The following SEMA3A variants were observed in gnomAD, a reference collection of about 807,000 sequenced individuals.
The protein encoded by SEMA3A is semaphorin-3A.
A neutral mutation model predicts 97.9 loss-of-function variants in SEMA3A; 29 were observed. The ratio of observed to expected loss-of-function variants is 0.30; its 90% CI spans 0.22 to 0.40. The LOEUF is 0.40. Among genes scored for constraint, SEMA3A ranks in the 10% least tolerant of loss-of-function variants. SEMA3A has a pLI of 1.00. For synonymous variants in SEMA3A, 321 were observed against 323.7 expected, an observed-to-expected ratio of 0.99 and a Z score of 0.09; for missense variants, 763 against 951.3, an observed-to-expected ratio of 0.80 and a Z score of 2.60.
chr7:84,039,177 T>A (rs939858518), intron 6 of SEMA3A, among the ~76,000 whole-genome samples: 3 of 152,144 alleles, frequency 2.0e-5, no homozygotes, highest in African/African-American at 7.2e-5. Context: ...ACTGTTCTAA[T>A]TACCCTATAT....
intron 1 of SEMA3A, among the ~76,000 whole-genome samples, chr7:84,491,968 C>T (rs1056042709): frequency 1.3e-5 from 2 of 152,044 alleles, no homozygotes; most frequent in Admixed American, 6.6e-5. Flanking sequence ...AGTAAGAGAT[C>T]AAGCTATAGA....
intron 1 of SEMA3A, among the ~76,000 whole-genome samples, chr7:84,173,373 C>T (rs896446370): frequency 1.3e-5 from 2 of 151,682 alleles, no homozygotes; most frequent in Non-Finnish European, 2.9e-5. Flanking sequence ...CCGGCCCACA[C>T]GGTGAAATCC....
intron 3 of SEMA3A, among the ~76,000 whole-genome samples, chr7:84,301,321 AACAC>A (rs764059817): frequency 2.6e-5 from 4 of 151,952 alleles, no homozygotes; most frequent in Non-Finnish European, 5.9e-5. Context: ...ATATTCACAA[AACAC>A]ACACACACAT....
At chr7:84,175,037 C>T (rs935586170) in intron 1 of SEMA3A, among the ~76,000 whole-genome samples, 1 of 152,004 alleles carries the variant, frequency 6.6e-6, no homozygotes, top group African/African-American at 2.4e-5. Flanking sequence ...CTCTTGCAGC[C>T]TTTGAACGAG....
rs184559301 is a variant in SEMA3A at position 84,024,289 on chromosome 7, C to T, written c.668-9938G>A. ...GCGCGGTGGCTCACGCCTGTAATCC[C>T]GGCACCATGGGGAGGCCAAGGCGGG... On this transcript the variant is annotated intron_variant, in intron 6 of 16. Transcript: ENST00000265362. Among the ~76,000 whole-genome samples, 382 of 152,272 alleles carry T rather than the reference C, an allele frequency of 2.5e-3. 2 individuals carry two copies. Among genetic ancestry groups the T allele is most frequent in the Non-Finnish European group, 3.5e-3 (237 of 68,032 alleles).
At chr7:84,195,024 A>AGAGAGAGAGAGAGAAAGAGAGAGAGAGAG (rs1798179833), upstream of SEMA3A, 11 of 140,656 alleles carry the variant, frequency 7.8e-5, no homozygotes, top group African/African-American at 2.7e-4. Flanking sequence ...GAGAGAGAGA[A>AGAGAGAGAGAGAGAAAGAGAGAGAGAGAG]AGAGAGAGAG....
chr7:84,388,962 T>G (rs1803471989), intron 1 of SEMA3A, among the ~76,000 whole-genome samples: 1 of 152,012 alleles, frequency 6.6e-6, no homozygotes, highest in Non-Finnish European at 1.5e-5. Context: ...TATGTAGCAA[T>G]CTAGAGTATC....
At chr7:84,287,745 G>A (rs567708670) in intron 3 of SEMA3A, among the ~76,000 whole-genome samples, 40 of 152,144 alleles carry the variant, frequency 2.6e-4, no homozygotes, top group South Asian at 1.0e-3. Flanking sequence ...GACCAGCCAC[G>A]CCAAGCACTC....
At chr7:84,393,500 T>C (rs528094732) in intron 1 of SEMA3A, among the ~76,000 whole-genome samples, 2 of 152,128 alleles carry the variant, frequency 1.3e-5, no homozygotes, top group Non-Finnish European at 2.9e-5. Context: ...AGTAGACACA[T>C]TGGGTAATGG....
At chr7:84,379,716 A>G (rs921513910) in intron 1 of SEMA3A, among the ~76,000 whole-genome samples, 4 of 152,204 alleles carry the variant, frequency 2.6e-5, no homozygotes, top group Admixed American at 1.3e-4. Flanking sequence ...GAAAAACAAC[A>G]AAACTAAAGC....
chr7:84,212,085 G>T (rs971388741), intron 3 of SEMA3A, among the ~76,000 whole-genome samples: 2 of 152,076 alleles, frequency 1.3e-5, no homozygotes, highest in African/African-American at 4.8e-5. Flanking sequence ...GAAGGAGTTA[G>T]GTGGAAATCA....
chr7:84,032,033 A>G (rs1791777913), intron 6 of SEMA3A, among the ~76,000 whole-genome samples: 2 of 152,228 alleles, frequency 1.3e-5, no homozygotes, highest in African/African-American at 2.4e-5. Context: ...TGTTGAATAC[A>G]TAGTCTCACA....
At chr7:84,168,797 G>C (rs1158096986) in intron 1 of SEMA3A, among the ~76,000 whole-genome samples, 1 of 151,552 alleles carries the variant, frequency 6.6e-6, no homozygotes, top group African/African-American at 2.4e-5. Context: ...GAACATATGA[G>C]GTTTTTTTAT....
At chr7:84,466,720 T>G (rs2706901) in intron 1 of SEMA3A, among the ~76,000 whole-genome samples, 39,926 of 152,052 alleles carry the variant, frequency 0.26, 7,018 homozygotes, top group East Asian at 0.62. Flanking sequence ...AAGATTAGAT[T>G]GTACCCTGGA....
chr7:83,991,792 G>T, intron 12 of SEMA3A, among the ~76,000 whole-genome samples: 1 of 134,860 alleles, frequency 7.4e-6, no homozygotes, highest in Non-Finnish European at 1.6e-5. Flanking sequence ...TTTTTTGGTT[G>T]TGTCTCTGCC....
At chr7:84,003,215 AG>A (rs1790531833) in intron 11 of SEMA3A, among the ~76,000 whole-genome samples, 1 of 152,158 alleles carries the variant, frequency 6.6e-6, no homozygotes, top group Non-Finnish European at 1.5e-5. Flanking sequence ...AACCAAAAAA[AG>A]TACACTTTTA....
chr7:84,155,299 T>G lies in SEMA3A; in HGVS notation c.113-20348A>C, dbSNP rs142086335. Among the ~76,000 whole-genome samples, 11 of 152,230 alleles carry G rather than the reference T, an allele frequency of 7.2e-5. No homozygotes were observed. The East Asian group carries it at 2.1e-3, about 29-fold the overall frequency. ...TTAATTAGGCTCAAATGTGCACATCTCACATTGAATTTTCATATTTTTAAA... is the reference window on the plus strand; with the variant it reads ...TTAATTAGGCTCAAATGTGCACATCGCACATTGAATTTTCATATTTTTAAA... On this transcript the variant is annotated intron_variant, in intron 1 of 16. Coordinates refer to ENST00000265362, the MANE Select transcript of SEMA3A (RefSeq NM_006080.3).
chr7:84,258,542 T>C (rs1018240263), intron 3 of SEMA3A, among the ~76,000 whole-genome samples: 2 of 129,478 alleles, frequency 1.5e-5, no homozygotes, highest in Non-Finnish European at 3.3e-5. Context: ...GACAGTCACT[T>C]TGGTTTTTGC....
chr7:84,000,010 T>A (rs1032285369), intron 12 of SEMA3A, among the ~76,000 whole-genome samples: 1 of 152,126 alleles, frequency 6.6e-6, no homozygotes, highest in African/African-American at 2.4e-5. Flanking sequence ...TTTATTTCAT[T>A]TTTTCATCAA....
Sources: allele counts gnomAD v4.1 joint callset (sites outside exome capture counted in the v4.1 genomes callset), GRCh38; gene constraint gnomAD v4.1.1; transcripts MANE v1.5; gene names NCBI Gene and HGNC (gene_info 2026-07-23, HGNC 2026-07-21).